TEX11: variants seen among roughly 807,000 people sequenced by gnomAD.
TEX11 encodes testis-expressed protein 11.
In TEX11, 7 loss-of-function variants were observed where a neutral mutation model predicts 84.4. The ratio of observed to expected loss-of-function variants is 0.08; its 90% CI spans 0.05 to 0.16. The LOEUF (loss-of-function observed/expected upper bound fraction) is 0.16. TEX11 is among the 10% of genes least tolerant of loss of function. TEX11 has a pLI of 1.00. For missense variants in TEX11, 551 were observed against 660.5 expected, an observed-to-expected ratio of 0.83 and a Z score of 1.82; for synonymous variants, 264 against 222.8, an observed-to-expected ratio of 1.18 and a Z score of -1.64.
intron 25 of TEX11, among the ~76,000 whole-genome samples, chrX:70,574,106 T>C (rs2088641399): frequency 8.9e-6 from 1 of 112,321 alleles, no homozygotes; most frequent in African/African-American, 3.2e-5. Flanking sequence ...GTTTAACTCA[T>C]GTTATAAAAT....
intron 8 of TEX11, among the ~76,000 whole-genome samples, chrX:70,810,201 T>C (rs750440818): frequency 1.8e-5 from 2 of 111,855 alleles, no homozygotes; most frequent in South Asian, 7.5e-4. Context: ...GGTGGGGGTG[T>C]AAATTAGTTC....
At chrX:70,686,696 T>TAAAAA (rs11330282) in intron 13 of TEX11, among the ~76,000 whole-genome samples, 2 of 92,936 alleles carry the variant, frequency 2.2e-5, no homozygotes, top group Admixed American at 2.3e-4. Flanking sequence ...GAACTTAAAG[T>TAAAAA]AAAAAAAAAA....
At chrX:70,770,127 G>A (rs745611435) in intron 9 of TEX11, among the ~76,000 whole-genome samples, 1 of 111,425 alleles carries the variant, frequency 9.0e-6, no homozygotes, top group African/African-American at 3.3e-5. Context: ...GCCTAATAAT[G>A]TCAGATTCTC....
chrX:70,779,517 C>T lies in TEX11; in HGVS notation c.692+27188G>A, dbSNP rs145595663. On this transcript the variant is annotated intron_variant, in intron 9 of 29. Coordinates refer to ENST00000374333, the MANE Select transcript of TEX11 (RefSeq NM_031276.3). ...GCTCCTCGAGGAACTAGAATAAGAA[C>T]AAAGCCCAAAGTTAACAGGCAGAAA... 9.5e-3 allele frequency among the ~76,000 whole-genome samples: 987 copies of T among 104,257 alleles called. 7 individuals carry two copies. The highest frequency in any genetic ancestry group is 0.033 in the African/African-American group (935 of 28,564). 90.5% of individuals were successfully genotyped at this position (104,257 alleles called of 115,157 possible).
At chrX:70,889,254 A>G (rs768439035) in intron 2 of TEX11, among the ~76,000 whole-genome samples, 5 of 109,936 alleles carry the variant, frequency 4.5e-5, no homozygotes, top group Admixed American at 2.9e-4. Context: ...CATCTCTACT[A>G]AAAAGAACAA....
chrX:70,570,545 C>T (rs991963283), intron 25 of TEX11, among the ~76,000 whole-genome samples: 5 of 112,438 alleles, frequency 4.4e-5, no homozygotes, highest in Admixed American at 9.4e-5. Context: ...ATTTGGCCAT[C>T]TTGGCTCCAA....
chrX:70,842,408 A>G (rs1323013784), intron 7 of TEX11, among the ~76,000 whole-genome samples: 2 of 111,637 alleles, frequency 1.8e-5, no homozygotes, highest in Admixed American at 9.6e-5. Flanking sequence ...AGATGCAGAA[A>G]AGGCCTTTGA....
intron 16 of TEX11, among the ~76,000 whole-genome samples, chrX:70,654,498 A>G (rs1242817059): frequency 9.1e-6 from 1 of 110,320 alleles, no homozygotes; most frequent in African/African-American, 3.3e-5. Context: ...ATCCCCTGAG[A>G]ACAGGAGTTT....
chrX:70,606,060 C>T (rs930189448), intron 23 of TEX11, among the ~76,000 whole-genome samples: 1 of 112,447 alleles, frequency 8.9e-6, no homozygotes, highest in African/African-American at 3.2e-5. Flanking sequence ...AGTCCCATCA[C>T]AAATGCCAAA....
chrX:70,769,927 C>A (rs1442931764), intron 9 of TEX11, among the ~76,000 whole-genome samples: 1 of 111,780 alleles, frequency 8.9e-6, no homozygotes, highest in African/African-American at 3.2e-5. Context: ...TATATGTAAA[C>A]CCTTAGCTTT....
intron 9 of TEX11, among the ~76,000 whole-genome samples, chrX:70,750,929 A>ATATATATAT (rs1556039277): frequency 1.3e-3 from 34 of 26,628 alleles, no homozygotes; most frequent in African/African-American, 2.8e-3. Flanking sequence ...AATAAAAAAA[A>ATATATATAT]AAAAATATAT....
intron 5 of TEX11, among the ~76,000 whole-genome samples, chrX:70,860,489 T>C (rs1275725530): frequency 1.8e-5 from 2 of 111,632 alleles, no homozygotes; most frequent in Non-Finnish European, 3.8e-5. Context: ...CTGTACCCTT[T>C]TCCTTATTTA....
At chrX:70,766,475 G>C (rs753265467) in intron 9 of TEX11, among the ~76,000 whole-genome samples, 1 of 110,225 alleles carries the variant, frequency 9.1e-6, no homozygotes, top group South Asian at 3.9e-4. Context: ...AGAAATTAAA[G>C]AGGACACCAA....
chrX:70,639,783 A>G (rs1189912330), intron 17 of TEX11, among the ~76,000 whole-genome samples: 1 of 111,594 alleles, frequency 9.0e-6, no homozygotes. Context: ...CACCATCATC[A>G]AAGACCAAAA....
At chrX:70,609,767 A>T (rs1239926310) in intron 21 of TEX11, among the ~76,000 whole-genome samples, 1 of 111,920 alleles carries the variant, frequency 8.9e-6, no homozygotes, top group African/African-American at 3.2e-5. Flanking sequence ...AATTTCTAAG[A>T]TATGAACTTT....
At chrX:70,749,172 T>C (rs962693175) in intron 9 of TEX11, among the ~76,000 whole-genome samples, 1 of 108,592 alleles carries the variant, frequency 9.2e-6, no homozygotes, top group Non-Finnish European at 1.9e-5. Context: ...TATTTTATTC[T>C]CTTTGAAGCA....
At chrX:70,879,951 C>T (rs374277935) in intron 3 of TEX11, 37 bp downstream of exon 3, 20 of 1,108,840 alleles carry the variant, frequency 1.8e-5, no homozygotes, top group South Asian at 2.3e-5. Flanking sequence ...GAAGAATCAT[C>T]GAAACTTATC....
intron 11 of TEX11, among the ~76,000 whole-genome samples, chrX:70,737,575 T>C (rs1394688262): frequency 4.5e-5 from 5 of 110,499 alleles, no homozygotes; most frequent in African/African-American, 1.6e-4. Flanking sequence ...CCAAAACTTA[T>C]TCAGAAAAGA....
At chrX:70,897,659 G>A (rs868548070) in intron 2 of TEX11, 1 of 70,817 alleles carries the variant, frequency 1.4e-5, no homozygotes, top group African/African-American at 5.9e-5. Context: ...AAGGAAGGAA[G>A]GAAGGAAAAC....
Sources: allele counts gnomAD v4.1 joint callset (sites outside exome capture counted in the v4.1 genomes callset), GRCh38; gene constraint gnomAD v4.1.1; transcripts MANE v1.5; gene names NCBI Gene and HGNC (gene_info 2026-07-23, HGNC 2026-07-21).